The following CHM variants were observed in gnomAD, a reference collection of about 807,000 sequenced individuals.
The protein encoded by CHM is rab proteins geranylgeranyltransferase component A 1.
A neutral mutation model predicts 49.0 loss-of-function variants in CHM; 10 were observed. The ratio of observed to expected loss-of-function variants is 0.20; its 90% CI spans 0.13 to 0.35. CHM has a LOEUF of 0.35. CHM is among the 10% of genes least tolerant of loss of function. CHM has a pLI of 1.00. For missense variants in CHM, 455 were observed against 478.4 expected (o/e 0.95, Z 0.46); for synonymous variants, 184 against 167.5 (o/e 1.10, Z -0.76).
intron 9 of CHM, among the ~76,000 whole-genome samples, chrX:85,908,709 A>G (rs1926750339): frequency 9.0e-6 from 1 of 111,192 alleles, no homozygotes; most frequent in African/African-American, 3.3e-5. Flanking sequence ...CTGAAAAAAC[A>G]AGATGGACAA....
chrX:86,007,538 T>C (rs762790239), intron 2 of CHM, among the ~76,000 whole-genome samples: 1 of 111,833 alleles, frequency 8.9e-6, no homozygotes, highest in Admixed American at 9.5e-5. Context: ...ATCCAGAATC[T>C]ACAAAGAACT....
chrX:85,884,893 G>A (rs1603238558), intron 12 of CHM, among the ~76,000 whole-genome samples: 1 of 110,815 alleles, frequency 9.0e-6, no homozygotes, highest in African/African-American at 3.3e-5. Context: ...AAAACACTGA[G>A]AATTATACAT....
At chrX:86,002,663 G>T (rs924326800) in intron 2 of CHM, among the ~76,000 whole-genome samples, 3 of 112,152 alleles carry the variant, frequency 2.7e-5, no homozygotes, top group East Asian at 2.8e-4. Context: ...GGAGAACTGC[G>T]AGGAGGCAGC....
At chrX:85,966,240 T>C (rs1233508491) in intron 4 of CHM, among the ~76,000 whole-genome samples, 4 of 108,183 alleles carry the variant, frequency 3.7e-5, no homozygotes, top group African/African-American at 1.4e-4. Context: ...TCTCAGCTAC[T>C]TGGGAGGCTG....
chrX:85,899,813 A>G lies in CHM; in HGVS notation c.1413+833T>C, dbSNP rs749804726. Among the ~76,000 whole-genome samples, 9 of 109,306 alleles carry G rather than the reference A, an allele frequency of 8.2e-5. No individual in the cohort carries two copies. In the South Asian group the frequency reaches 2.4e-3, roughly 30 times the overall value. The allele number at this position is 109,306 out of a possible 115,157, so 94.9% of individuals were successfully genotyped here. A position where few individuals can be genotyped will look rare whatever the true frequency, so the allele number is the denominator to read the frequency against. ...CCAGTATTGATTTATACATATTACC[A>G]TGTAGATTAAGTTAGTAACAATGTT... On this transcript the variant is annotated intron_variant, in intron 11 of 14. Transcript: ENST00000357749.
intron 8 of CHM, among the ~76,000 whole-genome samples, chrX:85,934,278 CCTTTT>C (rs1198226496): frequency 2.1e-5 from 2 of 95,765 alleles, no homozygotes; most frequent in African/African-American, 8.0e-5. Context: ...CTGCGCTCAG[CCTTTT>C]TTTTTTTTTT....
chrX:85,934,975 C>T lies in CHM; in HGVS notation c.1166+21178G>A, dbSNP rs761023540. Among the ~76,000 whole-genome samples the T allele has an allele frequency of 4.0e-4, 45 of 111,639 alleles. 1 individual carries two copies. Among genetic ancestry groups the T allele is most frequent in the African/African-American group, 1.3e-3 (41 of 30,737 alleles). On this transcript the variant is annotated intron_variant, in intron 8 of 14. Transcript: ENST00000357749. ...TGAGATTAAAATCAGAGAAGTTTTA[C>T]CAAATAAAACTGTCTTAGTCTGTTT...
intron 2 of CHM, 39 bp from the exon 3 acceptor site, chrX:85,981,848 G>T (rs766656988): frequency 2.0e-6 from 2 of 989,969 alleles, no homozygotes; most frequent in Admixed American, 5.8e-5. Context: ...TAAAGAAAAT[G>T]GTATAAAAAT....
intron 11 of CHM, among the ~76,000 whole-genome samples, chrX:85,900,341 A>T (rs1926177172): frequency 9.0e-6 from 1 of 111,576 alleles, no homozygotes; most frequent in South Asian, 3.7e-4. Context: ...AGAGAGTAAA[A>T]CGGTGCTTGC....
At chrX:85,972,815 G>A (rs184190771) in intron 4 of CHM, among the ~76,000 whole-genome samples, 4,624 of 112,112 alleles carry the variant, frequency 0.041, 248 homozygotes, top group African/African-American at 0.14. Flanking sequence ...ACAGTGCAGC[G>A]GCGGGCCGAA....
At chrX:85,880,107 A>T (rs1924669378) in intron 12 of CHM, among the ~76,000 whole-genome samples, 1 of 110,851 alleles carries the variant, frequency 9.0e-6, no homozygotes, top group South Asian at 3.8e-4. Context: ...ACTAAAATCA[A>T]ATGTTGTAGG....
intron 8 of CHM, among the ~76,000 whole-genome samples, chrX:85,928,737 C>T (rs949617082): frequency 7.2e-5 from 8 of 110,878 alleles, no homozygotes; most frequent in African/African-American, 2.3e-4. Flanking sequence ...TTGCCTTAAC[C>T]GGAGTTTTTC....
chrX:85,993,887 C>G lies in CHM; in HGVS notation c.117-12078G>C, dbSNP rs148720408. On this transcript the variant is annotated intron_variant, in intron 2 of 14. Coordinates refer to ENST00000357749, the MANE Select transcript of CHM (RefSeq NM_000390.4). ...ATTCAGTATCATCTCTTCTGTGAAG[C>G]CTTCAACTCTTCAAAAAGAACCGAT... is the stretch of plus-strand genomic sequence containing the variant. Among the ~76,000 whole-genome samples, 69 of 111,880 alleles carry G rather than the reference C, an allele frequency of 6.2e-4. 3 individuals are homozygous for G. In the East Asian group the frequency reaches 0.011, roughly 18 times the overall value.
At chrX:85,883,167 C>G (rs964424270) in intron 12 of CHM, among the ~76,000 whole-genome samples, 22 of 111,526 alleles carry the variant, frequency 2.0e-4, no homozygotes, top group African/African-American at 7.1e-4. Flanking sequence ...TTACCACATA[C>G]AGCAGTCATT....
At chrX:85,955,725 G>A (rs1218673526) in intron 8 of CHM, among the ~76,000 whole-genome samples, 1 of 111,963 alleles carries the variant, frequency 8.9e-6, no homozygotes, top group African/African-American at 3.3e-5. Context: ...CCCTAGATAT[G>A]TTTCCGAGAG....
At chrX:86,039,291 T>C (rs200647514) in intron 1 of CHM, among the ~76,000 whole-genome samples, 1 of 89,225 alleles carries the variant, frequency 1.1e-5, no homozygotes, top group African/African-American at 4.4e-5. Context: ...AGCATCTTCT[T>C]AATATGCCTC....
rs1320997482 is a variant in CHM, at chrX:85,921,652, C to T, written c.1167-10314G>A. 5.4e-5 allele frequency among the ~76,000 whole-genome samples: 6 copies of T among 111,917 alleles called. No homozygotes were observed. In the South Asian group the frequency reaches 2.2e-3, roughly 42 times the overall value. The stretch of plus-strand genomic sequence containing the variant: ...GCTTTAGTGACACCCCAGCTAAAAC[C>T]GTAAACTGAAAAGCAGAAGTTCCAT... On this transcript the variant is annotated intron_variant, in intron 8 of 14. Coordinates refer to ENST00000357749, the MANE Select transcript of CHM (RefSeq NM_000390.4).
chrX:85,862,338 G>A lies in CHM; in HGVS notation c.*2292C>T, dbSNP rs1014065102. ...TTCAAGCGGCTTTAACTCTAAGACC[G>A]TAACAGTACAATATCTTTATTGGCA... On this transcript the variant is annotated 3_prime_UTR_variant, in exon 15 of 15. Coordinates refer to ENST00000357749, the MANE Select transcript of CHM (RefSeq NM_000390.4). 2 of 112,371 alleles carry A rather than the reference G, an allele frequency of 1.8e-5. No individual in the cohort carries two copies. Among genetic ancestry groups the A allele is most frequent in the East Asian group, 2.8e-4 (1 of 3,569 alleles). The allele number at this position is 112,371 out of a possible 1,213,427, so 9.3% of individuals were successfully genotyped here.
chrX:86,014,414 G>T (rs369204211), intron 2 of CHM, among the ~76,000 whole-genome samples: 27 of 112,491 alleles, frequency 2.4e-4, no homozygotes, highest in African/African-American at 8.4e-4. Context: ...AAAGTTACCA[G>T]AAGGAAAAGA....
Sources: gnomAD v4.1 joint callset for allele counts (sites outside exome capture counted in the v4.1 genomes callset) on GRCh38, gnomAD v4.1.1 for gene constraint, MANE v1.5 for transcripts, NCBI Gene and HGNC (gene_info 2026-07-23, HGNC 2026-07-21) for gene names.